Variants in EEF1G observed in about 807,000 individuals in gnomAD.
EEF1G encodes eukaryotic translation elongation factor 1 gamma.
EEF1G carries 14 observed loss-of-function variants against 58.3 expected under a neutral mutation model. That is an observed-to-expected ratio of 0.24 (90% confidence interval 0.16 to 0.38). EEF1G has a LOEUF of 0.38. Among genes scored for constraint, EEF1G ranks in the 10% least tolerant of loss-of-function variants. The pLI is 1.00. For synonymous variants in EEF1G, 180 were observed against 206.8 expected (o/e 0.87, Z 1.11); for missense variants, 322 against 550.1 (o/e 0.59, Z 4.15).
intron 7 of EEF1G, among the ~76,000 whole-genome samples, chr11:62,563,465 T>C (rs1170991686): frequency 6.6e-6 from 1 of 152,118 alleles, no homozygotes; most frequent in Admixed American, 6.6e-5. Context: ...GCACTAGCAG[T>C]CCCAGCTACT....
At chr11:62,561,670 ACAAAAAAAAAAC>A (rs1941496301) in intron 7 of EEF1G, among the ~76,000 whole-genome samples, 1 of 77,598 alleles carries the variant, frequency 1.3e-5, no homozygotes, top group Non-Finnish European at 2.7e-5. Flanking sequence ...CAAAAAAAAA[ACAAAAAAAAAAC>A]AAAAAAAAAA....
At chr11:62,560,526 T>C in intron 7 of EEF1G, 72 bp from the exon 8 acceptor site, 1 of 1,500,270 alleles carries the variant, frequency 6.7e-7, no homozygotes, top group Non-Finnish European at 9.1e-7. Flanking sequence ...TGAAGGGTGC[T>C]TTCACTTAAA....
intron 1 of EEF1G, 121 bp from the exon 2 acceptor site, chr11:62,572,863 G>A: frequency 1.1e-6 from 1 of 913,730 alleles, no homozygotes; most frequent in Non-Finnish European, 1.6e-6. Context: ...TACTTCCTCT[G>A]GTGAACCAAG....
chr11:62,565,301 G>A (rs1419960829), intron 7 of EEF1G, among the ~76,000 whole-genome samples: 3 of 151,840 alleles, frequency 2.0e-5, no homozygotes, highest in Non-Finnish European at 4.4e-5. Context: ...TGGGAGGATC[G>A]CTTGAGTACA....
rs900679393 is a variant in EEF1G at position 62,573,635 on chromosome 11, C to CGG, written c.12+195_12+196insCC. The CGG allele has an allele frequency of 1.3e-5, 10 of 746,294 alleles. No homozygotes were observed. In the African/African-American group the frequency reaches 1.6e-4, roughly 12 times the overall value. 46.2% of individuals were successfully genotyped at this position (746,294 alleles called of 1,614,324 possible). ...TTTTCTCCTCTTCCCCAGACCCTTC[C>CGG]ACCTCTGGCCTCCGAGAGCCCCAGC... is the stretch of plus-strand genomic sequence containing the variant. On this transcript the variant is annotated intron_variant, in intron 1 of 9. Transcript: ENST00000329251.
At chr11:62,569,854 T>C (rs1280621414) in intron 5 of EEF1G, among the ~76,000 whole-genome samples, 1 of 152,156 alleles carries the variant, frequency 6.6e-6, no homozygotes, top group East Asian at 1.9e-4. Context: ...CCAGCATCAG[T>C]CCAAGAGCTT....
chr11:62,568,687 C>T (rs921168890), intron 5 of EEF1G, among the ~76,000 whole-genome samples: 11 of 151,896 alleles, frequency 7.2e-5, no homozygotes, highest in East Asian at 1.9e-4. Flanking sequence ...AAATTTCAAA[C>T]GTCGGCCAGG....
At chr11:62,562,236 C>T (rs1386478389) in intron 7 of EEF1G, among the ~76,000 whole-genome samples, 1 of 152,174 alleles carries the variant, frequency 6.6e-6, no homozygotes, top group Non-Finnish European at 1.5e-5. Flanking sequence ...CCTCCCCTTC[C>T]TAAACCAAGG....
rs564796091 is a variant in EEF1G, at chr11:62,572,171, G to C, written c.172-270C>G. Among the ~76,000 whole-genome samples, 6 of 152,108 alleles carry C rather than the reference G, an allele frequency of 3.9e-5. No homozygotes were observed. The South Asian group carries it at 1.2e-3, about 32-fold the overall frequency. Reference sequence around the variant, plus strand: ...GGATCAAACAAGCAGAAGGCCAAAAGCAACTCCTGTATCAATGTCTGTATC... The same window carrying C: ...GGATCAAACAAGCAGAAGGCCAAAACCAACTCCTGTATCAATGTCTGTATC... On this transcript the variant is annotated intron_variant, in intron 2 of 9. Transcript: ENST00000329251.
chr11:62,564,192 G>A (rs1340421686), intron 7 of EEF1G, among the ~76,000 whole-genome samples: 1 of 152,244 alleles, frequency 6.6e-6, no homozygotes, highest in African/African-American at 2.4e-5. Flanking sequence ...GCCAGGGGCG[G>A]TGGCTCACGC....
chr11:62,567,861 A>T (rs1321390674), intron 5 of EEF1G, among the ~76,000 whole-genome samples: 1 of 151,830 alleles, frequency 6.6e-6, no homozygotes, highest in Non-Finnish European at 1.5e-5. Flanking sequence ...CTGGGACTAC[A>T]GGTGCCTGCC....
intron 7 of EEF1G, among the ~76,000 whole-genome samples, chr11:62,566,410 T>A (rs980494149): frequency 6.6e-6 from 1 of 152,232 alleles, no homozygotes; most frequent in Non-Finnish European, 1.5e-5. Context: ...TGGCATCCAC[T>A]ATCTCCGCAC....
At position 62,559,953 on chromosome 11, in the gene EEF1G, C is replaced by T. The variant is rs560444194; in HGVS notation, c.1155+116G>A. 108 of 1,606,294 alleles carry T rather than the reference C, an allele frequency of 6.7e-5. 1 individual carries two copies. Among genetic ancestry groups the T allele is most frequent in the African/African-American group, 4.7e-4 (35 of 74,748 alleles). On this transcript the variant is annotated intron_variant, in intron 9 of 9. Coordinates refer to ENST00000329251, the MANE Select transcript of EEF1G (RefSeq NM_001404.5). ...AGGTCTCCTGTGAACATGAACTGCT[C>T]CTTCCTATAAGCATTCCTGAACCCT...
At chr11:62,569,836 AT>A (rs1251330031) in intron 5 of EEF1G, among the ~76,000 whole-genome samples, 1 of 152,188 alleles carries the variant, frequency 6.6e-6, no homozygotes, top group Non-Finnish European at 1.5e-5. Context: ...TCACATTACT[AT>A]TCTGGACCAG....
At position 62,571,053 on chromosome 11, in the gene EEF1G, T is replaced by C. The variant is rs2134296601; in HGVS notation, c.434A>G (p.Tyr145Cys). 1 of 1,613,958 alleles carries C rather than the reference T, an allele frequency of 6.2e-7. No individual in the cohort carries two copies. Among genetic ancestry groups the C allele is most frequent in the East Asian group, 2.2e-5 (1 of 44,892 alleles). ...VRRILGLLDAYLKTRTFLVGE... is the reference protein window; with the variant it reads ...VRRILGLLDACLKTRTFLVGE... ...CACCAGAAAAGTCCTCGTCTTCAAG[T>C]AAGCATCCAGCAGCCCCAGAATTCG... The change falls in exon 5 of 10, where the codon TAC (tyrosine) becomes TGC (cysteine). Residue 145 changes from tyrosine to cysteine, a missense_variant. Transcript: ENST00000329251.
At position 62,566,811 on chromosome 11, in the gene EEF1G, G is replaced by T. The variant is rs1390127712; in HGVS notation, c.852C>A (p.Pro284=). The part of the protein sequence containing the change: ...PKAKDPFAHL[P]KSTFVLDEFK... ...CCACCCTCCAATATCCTTACCTCTT[G>T]GGCAGGTGAGCGAAGGGGTCCTTGG... The change falls in exon 7 of 10, where the codon CCC becomes CCA. Residue 284 remains proline (P), a synonymous_variant. Coordinates refer to ENST00000329251, the MANE Select transcript of EEF1G (RefSeq NM_001404.5). 1.7e-5 allele frequency: 28 copies of T among 1,613,386 alleles called. No homozygotes were observed. Among genetic ancestry groups the T allele is most frequent in the Non-Finnish European group, 2.4e-5 (28 of 1,179,656 alleles).
At chr11:62,560,830 C>T (rs1461659411) in intron 7 of EEF1G, among the ~76,000 whole-genome samples, 1 of 152,170 alleles carries the variant, frequency 6.6e-6, no homozygotes, top group African/African-American at 2.4e-5. Flanking sequence ...TCTCTTCCCC[C>T]CCACCATACA....
intron 5 of EEF1G, among the ~76,000 whole-genome samples, chr11:62,569,610 T>G (rs908048428): frequency 6.6e-6 from 1 of 152,238 alleles, no homozygotes; most frequent in African/African-American, 2.4e-5. Flanking sequence ...TTGCAAAGCT[T>G]CAGGTAGAAC....
intron 2 of EEF1G, 149 bp downstream of exon 2, chr11:62,572,435 A>G: frequency 9.2e-7 from 1 of 1,081,854 alleles, no homozygotes. Flanking sequence ...CTACATGTAA[A>G]TCTGTATTTA....
Sources: gnomAD v4.1 joint callset for allele counts (sites outside exome capture counted in the v4.1 genomes callset) on GRCh38, gnomAD v4.1.1 for gene constraint, MANE v1.5 for transcripts, NCBI Gene and HGNC (gene_info 2026-07-23, HGNC 2026-07-21) for gene names.